DPP10: variants seen among roughly 807,000 people sequenced by gnomAD.
DPP10 encodes dipeptidyl peptidase like 10.
Under a neutral mutation model 120.9 loss-of-function variants are expected in DPP10, and 33 were observed. The observed-to-expected ratio is 0.27, with a 90% CI of 0.21 to 0.37. DPP10 has a LOEUF of 0.37. Among genes scored for constraint, DPP10 ranks in the 10% least tolerant of loss-of-function variants. The pLI is 1.00. For synonymous variants in DPP10, 337 were observed against 326.1 expected (o/e 1.03, Z -0.36); for missense variants, 816 against 942.8 (o/e 0.87, Z 1.76).
At chr2:114,708,811 A>G (rs144144771) in intron 1 of DPP10, among the ~76,000 whole-genome samples, 1,546 of 152,246 alleles carry the variant, frequency 0.01, 21 homozygotes, top group African/African-American at 0.035. Flanking sequence ...GCTAGAGTAC[A>G]GTGGCACAAT....
chr2:114,745,353 G>A (rs1004840319), intron 1 of DPP10, among the ~76,000 whole-genome samples: 2 of 152,072 alleles, frequency 1.3e-5, no homozygotes, highest in Non-Finnish European at 1.5e-5. Context: ...GCAAACAATA[G>A]ATTTTGTTTA....
chr2:115,543,868 G>T (rs985205499), intron 5 of DPP10, among the ~76,000 whole-genome samples: 1 of 152,084 alleles, frequency 6.6e-6, no homozygotes. Context: ...TAACTGCCAA[G>T]AATCAGTAGG....
At chr2:115,317,328 G>A (rs1198412269) in intron 2 of DPP10, among the ~76,000 whole-genome samples, 2 of 152,122 alleles carry the variant, frequency 1.3e-5, no homozygotes, top group Non-Finnish European at 2.9e-5. Flanking sequence ...CACTTTGCAT[G>A]TTTTAGAAGT....
chr2:114,922,576 T>C (rs1464306300), intron 1 of DPP10, among the ~76,000 whole-genome samples: 1 of 152,192 alleles, frequency 6.6e-6, no homozygotes, highest in Non-Finnish European at 1.5e-5. Context: ...TCTCCCAAAG[T>C]GTTGGGATTA....
At chr2:114,949,192 G>A (rs1256668549) in intron 1 of DPP10, among the ~76,000 whole-genome samples, 1 of 151,924 alleles carries the variant, frequency 6.6e-6, no homozygotes, top group Non-Finnish European at 1.5e-5. Flanking sequence ...CAAAATGCTG[G>A]GATTACAGGT....
At chr2:115,618,307 A>C (rs374592472) in intron 5 of DPP10, among the ~76,000 whole-genome samples, 6 of 152,320 alleles carry the variant, frequency 3.9e-5, no homozygotes, top group Admixed American at 3.3e-4. Context: ...ATTGAGTGCA[A>C]TGTGTCAGTT....
At chr2:115,272,448 T>C (rs1176305455) in intron 1 of DPP10, among the ~76,000 whole-genome samples, 1 of 152,142 alleles carries the variant, frequency 6.6e-6, no homozygotes, top group African/African-American at 2.4e-5. Context: ...TCAAATATAT[T>C]CTGAGTTTGA....
chr2:114,592,257 T>C (rs1339020387), intron 1 of DPP10, among the ~76,000 whole-genome samples: 3 of 152,184 alleles, frequency 2.0e-5, no homozygotes, highest in Admixed American at 1.3e-4. Flanking sequence ...TTCTAGATTA[T>C]GATTTGAGGC....
intron 2 of DPP10, among the ~76,000 whole-genome samples, chr2:115,324,460 G>A (rs1162320113): frequency 2.0e-5 from 3 of 152,070 alleles, no homozygotes; most frequent in African/African-American, 4.8e-5. Context: ...TGGAAATAGG[G>A]TCTTTCCTTA....
chr2:114,850,004 C>CTCCCTTCCCT (rs1185952330), intron 1 of DPP10, among the ~76,000 whole-genome samples: 1 of 148,810 alleles, frequency 6.7e-6, no homozygotes, highest in Non-Finnish European at 1.5e-5. Context: ...ATCCCCTCCC[C>CTCCCTTCCCT]TCCCTTCCCT....
At chr2:115,001,558 G>A (rs1701439963) in intron 1 of DPP10, among the ~76,000 whole-genome samples, 1 of 152,114 alleles carries the variant, frequency 6.6e-6, no homozygotes, top group South Asian at 2.1e-4. Flanking sequence ...AATCAGGCAA[G>A]AGAAAGAAAT....
chr2:115,540,399 A>G (rs187585375), intron 5 of DPP10, among the ~76,000 whole-genome samples: 93 of 152,026 alleles, frequency 6.1e-4, no homozygotes, highest in African/African-American at 2.1e-3. Context: ...GTGTATGTGC[A>G]CATTATAGTC....
At chr2:114,469,634 A>G (rs1558786383) in intron 1 of DPP10, among the ~76,000 whole-genome samples, 2 of 152,178 alleles carry the variant, frequency 1.3e-5, no homozygotes, top group Non-Finnish European at 2.9e-5. Flanking sequence ...AGGCTGAGGC[A>G]GGAGAATGCC....
At chr2:115,190,020 A>C (rs1016363137) in intron 1 of DPP10, among the ~76,000 whole-genome samples, 11 of 152,250 alleles carry the variant, frequency 7.2e-5, no homozygotes, top group Non-Finnish European at 1.6e-4. Flanking sequence ...TTGAGTTTTC[A>C]TCATGAGGTA....
chr2:115,134,207 A>G (rs1267342655), intron 1 of DPP10, among the ~76,000 whole-genome samples: 1 of 152,234 alleles, frequency 6.6e-6, no homozygotes, highest in East Asian at 1.9e-4. Context: ...ACAAATTCAC[A>G]GAACTCCTTC....
chr2:115,436,668 G>C (rs2071524249), intron 3 of DPP10, among the ~76,000 whole-genome samples: 1 of 151,762 alleles, frequency 6.6e-6, no homozygotes, highest in South Asian at 2.1e-4. Flanking sequence ...ACAGAGAATA[G>C]GGTGGGTATT....
intron 3 of DPP10, among the ~76,000 whole-genome samples, chr2:115,377,132 C>G (rs1321986550): frequency 5.9e-5 from 9 of 152,294 alleles, no homozygotes; most frequent in South Asian, 2.1e-4. Context: ...GCCACACTGA[C>G]TTCCACAATG....
At chr2:115,615,956 G>T (rs2084462067) in intron 5 of DPP10, among the ~76,000 whole-genome samples, 1 of 152,082 alleles carries the variant, frequency 6.6e-6, no homozygotes, top group Admixed American at 6.6e-5. Flanking sequence ...AAAATTAGAA[G>T]TATTTTATCA....
At chr2:115,198,247 A>G (rs1468595030) in intron 1 of DPP10, among the ~76,000 whole-genome samples, 1 of 152,202 alleles carries the variant, frequency 6.6e-6, no homozygotes, top group African/African-American at 2.4e-5. Flanking sequence ...GCTCGCTCAG[A>G]GTAGAAGCCA....
Sources: gnomAD v4.1 joint callset for allele counts (sites outside exome capture counted in the v4.1 genomes callset) on GRCh38, gnomAD v4.1.1 for gene constraint, MANE v1.5 for transcripts, NCBI Gene and HGNC (gene_info 2026-07-23, HGNC 2026-07-21) for gene names.